ABCC8: variants seen among roughly 807,000 people sequenced by gnomAD.
The protein encoded by ABCC8 is ATP binding cassette subfamily C member 8.
A neutral mutation model predicts 188.0 loss-of-function variants in ABCC8; 137 were observed. The observed-to-expected ratio is 0.73, with a 90% CI of 0.63 to 0.84. The LOEUF (loss-of-function observed/expected upper bound fraction) is 0.84, where lower values mean the gene tolerates loss of function less well. Among genes scored for constraint, ABCC8 ranks in the 40% least tolerant of loss-of-function variants. The probability of loss-of-function intolerance (pLI) is 0.00; values close to 1 mark genes in which losing one functional copy is unlikely to be tolerated. For missense variants in ABCC8, 1,750 were observed against 2,072.7 expected (o/e 0.84, Z 3.02); for synonymous variants, 797 against 846.5 (o/e 0.94, Z 1.01).
At position 17,406,944 on chromosome 11, in the gene ABCC8, A is replaced by T. The variant is rs1188005813; in HGVS notation, c.3106T>A (p.Trp1036Arg). 1 of 1,614,034 alleles carries T rather than the reference A, an allele frequency of 6.2e-7. No homozygotes were observed. The highest frequency in any genetic ancestry group is 8.5e-7 in the Non-Finnish European group (1 of 1,180,048). ...LVAIDYWLAK[W>R]TDSALTLTPA... ...GTCAGGGTCAGGGCGCTGTCGGTCC[A>T]CTTGGCCAGCCAGTAGTCGATGGCC... Residue 1036 changes from tryptophan to arginine, a missense_variant, in exon 25 of 39, where the codon TGG (tryptophan) becomes AGG (arginine). Physicochemically the swap from Trp to Arg is moderately radical, Grantham distance 101. Transcript: ENST00000389817.
intron 17 of ABCC8, among the ~76,000 whole-genome samples, chr11:17,416,051 C>T (rs1955058290): frequency 6.6e-6 from 1 of 152,180 alleles, no homozygotes; most frequent in Non-Finnish European, 1.5e-5. Flanking sequence ...TGATCACTAC[C>T]ATTACAGAGG....
At chr11:17,412,125 C>T (rs1324802762) in intron 21 of ABCC8, among the ~76,000 whole-genome samples, 2 of 152,138 alleles carry the variant, frequency 1.3e-5, no homozygotes, top group African/African-American at 4.8e-5. Flanking sequence ...ATCTCCCGAC[C>T]TCGTGATCCG....
chr11:17,408,275 T>A (rs1954635994), intron 23 of ABCC8, 117 bp downstream of exon 23: 1 of 992,078 alleles, frequency 1.0e-6, no homozygotes, highest in East Asian at 2.4e-5. Flanking sequence ...AGCTCCCACA[T>A]CTGCCCTTTA....
In ABCC8 at chr11:17,427,332, C is replaced by T. The variant is rs774772709; in HGVS notation, c.2117-178G>A. The stretch of plus-strand genomic sequence containing the variant: ...TCCTTTCCTTCTGGAAATCAACATC[C>T]TCCTCTGGCTCCCCAGGTCCTTCCC... On this transcript the variant is annotated intron_variant, in intron 15 of 38. Transcript: ENST00000389817. The surrounding 1 kb of genome is among the most constrained non-coding windows in gnomAD (Gnocchi z 5.0). 115 of 788,082 alleles carry T rather than the reference C, an allele frequency of 1.5e-4. No homozygotes were observed. The highest frequency in any genetic ancestry group is 1.7e-4 in the Non-Finnish European group (112 of 650,144). 48.8% of individuals were successfully genotyped at this position (788,082 alleles called of 1,614,324 possible). A position where few individuals can be genotyped will look rare whatever the true frequency, so the allele number is the denominator to read the frequency against.
chr11:17,396,224 G>T (rs1221791405), intron 33 of ABCC8: 2 of 547,048 alleles, frequency 3.7e-6, no homozygotes, highest in Non-Finnish European at 3.2e-6. Flanking sequence ...CTGGGGGGCA[G>T]TGGTGTGTCT....
chr11:17,452,990 T>A, intron 7 of ABCC8, 129 bp downstream of exon 7: 2 of 950,186 alleles, frequency 2.1e-6, no homozygotes, highest in Non-Finnish European at 3.4e-6. Context: ...TAAAACATCG[T>A]TAATGGGCAA....
Position 17,471,665 on chromosome 11 carries a change from C to T in ABCC8, c.291-1443G>A, listed in dbSNP as rs186254838. 8.5e-5 allele frequency among the ~76,000 whole-genome samples: 13 copies of T among 152,310 alleles called. No homozygotes were observed. The East Asian group carries it at 1.7e-3, about 20-fold the overall frequency. On this transcript the variant is annotated intron_variant, in intron 2 of 38. Transcript: ENST00000389817. ...TCTCTGTCATAAAGGAGAGGCATGT[C>T]GGCAGCATGCCCTCTCTGCTCATGC...
intron 6 of ABCC8, among the ~76,000 whole-genome samples, chr11:17,459,418 C>T (rs1957106044): frequency 6.6e-6 from 1 of 152,182 alleles, no homozygotes; most frequent in South Asian, 2.1e-4. Flanking sequence ...CTGCATAAAT[C>T]AGACTCAACG....
rs760668370 is a variant in ABCC8 at position 17,406,648 on chromosome 11, T to C, written c.3303A>G (p.Leu1101=). Residue 1101 remains leucine, a synonymous_variant, in exon 26 of 39, where the codon CTA becomes CTG. Transcript: ENST00000389817. The part of the protein sequence containing the change: ...KVAKRLHRSL[L]NRIILAPMRF... Reference sequence around the variant, plus strand: ...TCATGGGGGCTAGGATGATCCGGTTTAGCAGGCTGCGGTGCAGTCTCTTGG... The same window carrying C: ...TCATGGGGGCTAGGATGATCCGGTTCAGCAGGCTGCGGTGCAGTCTCTTGG... 38 of 1,614,062 alleles carry C rather than the reference T, an allele frequency of 2.4e-5. No individual in the cohort carries two copies. The highest frequency in any genetic ancestry group is 3.1e-5 in the Non-Finnish European group (37 of 1,180,036).
chr11:17,457,640 G>A (rs1183688420), intron 6 of ABCC8, among the ~76,000 whole-genome samples: 11 of 152,174 alleles, frequency 7.2e-5, no homozygotes. Context: ...TAGATCATAG[G>A]CAGAGCCCAA....
chr11:17,425,975 A>G (rs1185355817), intron 16 of ABCC8, among the ~76,000 whole-genome samples: 1 of 152,108 alleles, frequency 6.6e-6, no homozygotes, highest in Non-Finnish European at 1.5e-5. Flanking sequence ...TGAGAATGAT[A>G]GTTTCCAGCT....
chr11:17,468,368 G>A (rs1349475962), intron 3 of ABCC8, among the ~76,000 whole-genome samples: 3 of 152,218 alleles, frequency 2.0e-5, no homozygotes, highest in African/African-American at 7.2e-5. Context: ...TGTGAACAAA[G>A]TCTAACTGCC....
chr11:17,464,613 T>C (rs1848033962), intron 3 of ABCC8, among the ~76,000 whole-genome samples: 1 of 152,202 alleles, frequency 6.6e-6, no homozygotes, highest in African/African-American at 2.4e-5. Flanking sequence ...CATTAGCTGT[T>C]ATATTTTTAT....
intron 22 of ABCC8, chr11:17,410,238 C>G (rs1591754141): frequency 6.9e-6 from 3 of 437,168 alleles, no homozygotes; most frequent in Non-Finnish European, 4.2e-6. Context: ...GAAGTGAGCA[C>G]TTGATTATTC....
chr11:17,461,253 T>A (rs1175892013), intron 5 of ABCC8: 2 of 425,196 alleles, frequency 4.7e-6, no homozygotes, highest in African/African-American at 4.0e-5. Context: ...ACCTTTATAG[T>A]CAGTAAGCTG....
intron 16 of ABCC8, among the ~76,000 whole-genome samples, chr11:17,419,218 C>A (rs189688781): frequency 6.6e-6 from 1 of 152,344 alleles, no homozygotes. Context: ...GTGGTCTTTA[C>A]AAGAGTGCTG....
chr11:17,401,371 C>G (rs1308131461), intron 29 of ABCC8, among the ~76,000 whole-genome samples: 1 of 152,168 alleles, frequency 6.6e-6, no homozygotes, highest in African/African-American at 2.4e-5. Context: ...GGGAGCAGCG[C>G]CAAGGCCAGG....
rs58411267 is a variant in ABCC8 at position 17,451,780 on chromosome 11, A to T, written c.1176+1339T>A. On this transcript the variant is annotated intron_variant, in intron 7 of 38. Coordinates refer to ENST00000389817, the MANE Select transcript of ABCC8 (RefSeq NM_000352.6). The stretch of plus-strand genomic sequence containing the variant: ...GTGCATATATAGCTGTCAAGAATAA[A>T]GACCAAGCTCTTTCTAGACTCTCTA... Among the ~76,000 whole-genome samples, 495 of 152,374 alleles carry T rather than the reference A, an allele frequency of 3.2e-3. 2 individuals carry two copies. The highest frequency in any genetic ancestry group is 0.011 in the African/African-American group (469 of 41,594).
chr11:17,466,261 T>C (rs1300197554), intron 3 of ABCC8, among the ~76,000 whole-genome samples: 1 of 151,818 alleles, frequency 6.6e-6, no homozygotes, highest in Non-Finnish European at 1.5e-5. Context: ...TAGCCAGGCG[T>C]GGTGGCAGGT....
Sources: gnomAD v4.1 joint callset for allele counts (sites outside exome capture counted in the v4.1 genomes callset) on GRCh38, gnomAD v4.1.1 for gene constraint, Gnocchi (gnomAD v3.1) non-coding constraint, MANE v1.5 for transcripts, NCBI Gene and HGNC (gene_info 2026-07-23, HGNC 2026-07-21) for gene names.